Variants in VCL observed in about 807,000 individuals in gnomAD.
VCL encodes the protein epididymis luminal protein 114.
A neutral mutation model predicts 125.7 loss-of-function variants in VCL; 47 were observed. That is an observed-to-expected ratio of 0.37 (90% CI 0.30 to 0.48). The LOEUF (loss-of-function observed/expected upper bound fraction) is 0.48. Ranked by LOEUF, VCL falls within the 20% of genes least tolerant of loss-of-function variation. The pLI, the probability that VCL is intolerant of heterozygous loss-of-function variation, is 0.99. For synonymous variants in VCL, 458 were observed against 514.6 expected (o/e 0.89, Z 1.49); for missense variants, 1,069 against 1,455.5 (o/e 0.73, Z 4.32).
chr10:74,000,886 A>G (rs1840213495), intron 1 of VCL, among the ~76,000 whole-genome samples: 1 of 152,202 alleles, frequency 6.6e-6, no homozygotes, highest in South Asian at 2.1e-4. Context: ...AGGGGACTTG[A>G]GATTGGTGGT....
intron 10 of VCL, among the ~76,000 whole-genome samples, chr10:74,090,800 T>G (rs1364604263): frequency 6.6e-6 from 1 of 151,868 alleles, no homozygotes; most frequent in African/African-American, 2.4e-5. Flanking sequence ...TTTTTTTTAT[T>G]TTTTATTTTT....
At position 74,009,078 on chromosome 10, in the gene VCL, G is replaced by T. The variant is rs56914341; in HGVS notation, c.168+10703G>T. 6.2e-3 allele frequency among the ~76,000 whole-genome samples: 938 copies of T among 152,104 alleles called. 15 individuals carry two copies. The highest frequency in any genetic ancestry group is 0.021 in the African/African-American group (890 of 41,500). On this transcript the variant is annotated intron_variant, in intron 1 of 21. Transcript: ENST00000211998. ...AAATTTGATATATTGGAGGAAGGAC[G>T]TCCCATTGAAAGCTTTCATGTGTCT...
intron 1 of VCL, among the ~76,000 whole-genome samples, chr10:74,039,776 G>T (rs1841059592): frequency 7.6e-6 from 1 of 131,878 alleles, no homozygotes; most frequent in East Asian, 1.9e-4. Context: ...TCTTAAAAAA[G>T]AAAAGAAAAG....
At chr10:74,056,883 C>A (rs1180214379) in intron 2 of VCL, among the ~76,000 whole-genome samples, 2 of 152,140 alleles carry the variant, frequency 1.3e-5, no homozygotes, top group Non-Finnish European at 1.5e-5. Context: ...AAAGAAATTT[C>A]TTCACCTATC....
At chr10:74,026,752 C>T (rs1840779251) in intron 1 of VCL, among the ~76,000 whole-genome samples, 1 of 152,190 alleles carries the variant, frequency 6.6e-6, no homozygotes, top group African/African-American at 2.4e-5. Flanking sequence ...GATTAAGTAA[C>T]TTGCCAGAGG....
chr10:74,103,024 AC>A (rs1176950354), intron 14 of VCL, among the ~76,000 whole-genome samples: 1 of 151,714 alleles, frequency 6.6e-6, no homozygotes, highest in African/African-American at 2.4e-5. Flanking sequence ...CCACCACCAT[AC>A]CCGGCTAGTT....
At chr10:74,079,772 G>A (rs1189264524) in intron 6 of VCL, among the ~76,000 whole-genome samples, 1 of 151,944 alleles carries the variant, frequency 6.6e-6, no homozygotes, top group Non-Finnish European at 1.5e-5. Flanking sequence ...ACATAAAATG[G>A]TTACTTATAA....
chr10:74,003,031 AC>A (rs1397141469), intron 1 of VCL, among the ~76,000 whole-genome samples: 2 of 151,718 alleles, frequency 1.3e-5, no homozygotes, highest in African/African-American at 4.8e-5. Context: ...CTGGGTCATC[AC>A]TTTTACTCCA....
intron 6 of VCL, among the ~76,000 whole-genome samples, chr10:74,080,163 G>A (rs910918184): frequency 2.0e-5 from 3 of 152,138 alleles, no homozygotes; most frequent in African/African-American, 7.2e-5. Flanking sequence ...GAGAATAAAA[G>A]CAGTCATTTT....
At chr10:74,110,615 A>G (rs1840205430) in intron 18 of VCL, among the ~76,000 whole-genome samples, 1 of 152,200 alleles carries the variant, frequency 6.6e-6, no homozygotes, top group Non-Finnish European at 1.5e-5. Context: ...AGTTTAGGCA[A>G]AAGAGTTTAG....
chr10:74,101,487 C>T (rs183492088), intron 14 of VCL, among the ~76,000 whole-genome samples: 57 of 150,622 alleles, frequency 3.8e-4, no homozygotes, highest in Non-Finnish European at 5.5e-4. Context: ...ACCCTGTCAC[C>T]GTCTTTATAC....
chr10:74,090,305 T>G, intron 10 of VCL, 107 bp downstream of exon 10: 2 of 1,279,562 alleles, frequency 1.6e-6, no homozygotes, highest in Admixed American at 3.8e-5. Context: ...CATATTTCAA[T>G]TCCCCTAGGT....
intron 2 of VCL, among the ~76,000 whole-genome samples, chr10:74,055,303 C>T (rs1382322489): frequency 6.6e-6 from 1 of 151,990 alleles, no homozygotes; most frequent in African/African-American, 2.4e-5. Flanking sequence ...CTATTTCAAA[C>T]AAACAAACAA....
chr10:74,073,587 G>A (rs1375593437), intron 5 of VCL, among the ~76,000 whole-genome samples: 1 of 152,196 alleles, frequency 6.6e-6, no homozygotes, highest in Non-Finnish European at 1.5e-5. Context: ...GCCCTTTTTA[G>A]TGTGTATTAA....
At position 74,119,728 on chromosome 10, in the gene VCL, A is replaced by G. The variant is rs969086685; in HGVS notation, c.*1559A>G. ...TGTACAACTTAAGTTGGTCCTTTAC[A>G]CTCAGGCTTTCACTATTTCCTTTAT... On this transcript the variant is annotated 3_prime_UTR_variant, in exon 22 of 22. Coordinates refer to ENST00000211998, the MANE Select transcript of VCL (RefSeq NM_014000.3). 5 of 152,524 alleles carry G rather than the reference A, an allele frequency of 3.3e-5. No individual in the cohort carries two copies. Among genetic ancestry groups the G allele is most frequent in the Admixed American group, 3.3e-4 (5 of 15,268 alleles). The allele number at this position is 152,524 out of a possible 1,614,324, so 9.4% of individuals were successfully genotyped here.
At chr10:74,051,971 C>T (rs1841307732) in intron 2 of VCL, among the ~76,000 whole-genome samples, 2 of 152,202 alleles carry the variant, frequency 1.3e-5, no homozygotes, top group South Asian at 4.1e-4. Context: ...CCCAGAGTAG[C>T]AGCTCAGAGG....
chr10:74,035,974 G>A (rs1840968538), intron 1 of VCL, among the ~76,000 whole-genome samples: 1 of 152,190 alleles, frequency 6.6e-6, no homozygotes, highest in Non-Finnish European at 1.5e-5. Context: ...GTGGGAGGAT[G>A]TGTGTAAGTT....
intron 18 of VCL, 134 bp downstream of exon 18, chr10:74,109,290 A>T: frequency 8.9e-7 from 1 of 1,125,480 alleles, no homozygotes; most frequent in Non-Finnish European, 1.3e-6. Context: ...TGCCAATAGC[A>T]TATTCCTCTT....
chr10:74,020,840 CAAAAAAAA>C lies in VCL; in HGVS notation c.169-22229_169-22222del, dbSNP rs567412270. ...TGGGCAACAGAGCAAGACCTTGTCTCAAAAAAAAAAAAAAAAAAAAAGAGAGCGAGAGA... is the reference window on the plus strand; with the variant it reads ...TGGGCAACAGAGCAAGACCTTGTCTCAAAAAAAAAAAAAGAGAGCGAGAGA... On this transcript the variant is annotated intron_variant, in intron 1 of 21. Coordinates refer to ENST00000211998, the MANE Select transcript of VCL (RefSeq NM_014000.3). 2.5e-4 allele frequency among the ~76,000 whole-genome samples: 17 copies of C among 66,738 alleles called. 1 individual carries two copies. The highest frequency in any genetic ancestry group is 4.3e-4 in the Non-Finnish European group (16 of 37,456). The allele number at this position is 66,738 out of a possible 152,430, so 43.8% of individuals were successfully genotyped here.
Sources: gnomAD v4.1 joint callset for allele counts (sites outside exome capture counted in the v4.1 genomes callset) on GRCh38, gnomAD v4.1.1 for gene constraint, MANE v1.5 for transcripts, NCBI Gene and HGNC (gene_info 2026-07-23, HGNC 2026-07-21) for gene names.